IL36B: variants seen among roughly 807,000 people sequenced by gnomAD.
IL36B encodes interleukin 36 beta.
In IL36B, 23 loss-of-function variants were observed where a neutral mutation model predicts 19.3. The ratio of observed to expected loss-of-function variants is 1.19; its 90% CI spans 0.86 to 1.69. The LOEUF (loss-of-function observed/expected upper bound fraction) is 1.69, where lower values mean the gene tolerates loss of function less well. Ranked by LOEUF, IL36B falls within the 40% of genes most tolerant of loss-of-function variation. The pLI is 0.00. For synonymous variants in IL36B, 59 were observed against 59.7 expected (o/e 0.99, Z 0.05); for missense variants, 217 against 200.5 (o/e 1.08, Z -0.50).
chr2:113,026,030 T>C (rs1684952195), intron 5 of IL36B: 2 of 1,562,076 alleles, frequency 1.3e-6, no homozygotes, highest in African/African-American at 2.7e-5. Flanking sequence ...TGGGATCCTC[T>C]GAGGAACCAT....
chr2:113,026,046 A>C lies in IL36B; in HGVS notation c.391+57T>G, dbSNP rs145453972. The C allele has an allele frequency of 7.5e-4, 1,190 of 1,587,176 alleles. 8 individuals carry two copies. In the African/African-American group the frequency reaches 0.014, roughly 19 times the overall value. On this transcript the variant is annotated intron_variant, in intron 5 of 5. Coordinates refer to ENST00000259213, the MANE Select transcript of IL36B (RefSeq NM_014438.5). ...GGGATCCTCTGAGGAACCATGAAGA[A>C]TGAACGCATCTCAGAATTGTCCACC...
At chr2:113,036,350 C>A (rs1685167092) in intron 1 of IL36B, among the ~76,000 whole-genome samples, 1 of 147,844 alleles carries the variant, frequency 6.8e-6, no homozygotes, top group Non-Finnish European at 1.5e-5. Flanking sequence ...CTGAAAACAC[C>A]TTGCTTTTTT....
chr2:113,031,037 T>A lies in IL36B; in HGVS notation c.121+11A>T. ...CCTCAAGAAGCAACAGTGGGTTTGA[T>A]TGTCACTCACCAGGCTTAATGCTGC... On this transcript the variant is annotated intron_variant, in intron 3 of 5. Coordinates refer to ENST00000259213, the MANE Select transcript of IL36B (RefSeq NM_014438.5). 2 of 1,581,378 alleles carry A rather than the reference T, an allele frequency of 1.3e-6. No individual in the cohort carries two copies. The highest frequency in any genetic ancestry group is 2.2e-5 in the South Asian group (2 of 90,370).
In IL36B at chr2:113,035,020, T is replaced by C. The variant is rs187646792; in HGVS notation, c.-57-3254A>G. Among the ~76,000 whole-genome samples, 233 of 152,322 alleles carry C rather than the reference T, an allele frequency of 1.5e-3. 3 individuals are homozygous for C. Among genetic ancestry groups the C allele is most frequent in the Admixed American group, 5.9e-3 (90 of 15,298 alleles). On this transcript the variant is annotated intron_variant, in intron 1 of 5. Coordinates refer to ENST00000259213, the MANE Select transcript of IL36B (RefSeq NM_014438.5). ...GCACCAGCAGAGCCTAAAGAAACTA[T>C]GGGGTCACATTCCTTGGAAGAACTT... is the stretch of plus-strand genomic sequence containing the variant.
intron 1 of IL36B, among the ~76,000 whole-genome samples, chr2:113,033,608 A>G (rs1280387235): frequency 6.6e-6 from 1 of 152,220 alleles, no homozygotes; most frequent in Non-Finnish European, 1.5e-5. Context: ...GAGGGATGAC[A>G]GAATGTACCC....
At chr2:113,039,458 T>G (rs1685209972) in intron 1 of IL36B, among the ~76,000 whole-genome samples, 1 of 152,156 alleles carries the variant, frequency 6.6e-6, no homozygotes, top group Non-Finnish European at 1.5e-5. Context: ...GTTTACAATA[T>G]TACAGTCTTA....
chr2:113,033,434 T>C (rs1283051574), intron 1 of IL36B, among the ~76,000 whole-genome samples: 1 of 152,180 alleles, frequency 6.6e-6, no homozygotes, highest in Admixed American at 6.5e-5. Context: ...AGAAGGGGTT[T>C]CACTGTGTTG....
At chr2:113,028,847 T>C (rs775930152) in intron 4 of IL36B, 92 bp downstream of exon 4, 25 of 1,363,806 alleles carry the variant, frequency 1.8e-5, no homozygotes, top group Non-Finnish European at 2.4e-5. Context: ...TAGTCCAGGG[T>C]TGCAAGCATA....
chr2:113,046,208 CTTTTTTTTTTTTTT>C (rs1179343491), intron 1 of IL36B, among the ~76,000 whole-genome samples: 3 of 11,190 alleles, frequency 2.7e-4, no homozygotes, highest in Non-Finnish European at 4.4e-4. Context: ...CAGGTTTTTT[CTTTTTTTTTTTTTT>C]TTTTTGAGAC....
At chr2:113,023,894 G>T (rs867085316) in intron 5 of IL36B, among the ~76,000 whole-genome samples, 3 of 152,102 alleles carry the variant, frequency 2.0e-5, no homozygotes, top group Non-Finnish European at 2.9e-5. Context: ...CATCAACAAC[G>T]TTAAAATAAA....
At position 113,022,515 on chromosome 2, in the gene IL36B, A is replaced by G. The variant is rs183187687; in HGVS notation, c.*159T>C. 6.6e-5 allele frequency: 38 copies of G among 576,840 alleles called. 1 individual carries two copies. The Admixed American group carries it at 8.0e-4, about 12-fold the overall frequency. The allele number at this position is 576,840 out of a possible 1,614,324, so 35.7% of individuals were successfully genotyped here. On this transcript the variant is annotated 3_prime_UTR_variant, in exon 6 of 6. Coordinates refer to ENST00000259213, the MANE Select transcript of IL36B (RefSeq NM_014438.5). The stretch of plus-strand genomic sequence containing the variant: ...GACCTTCTCTAGCTTTACAGGTAAG[A>G]TTTACCAACTCTTTAAAAATACATA...
chr2:113,040,305 T>C (rs1685232571), intron 1 of IL36B, among the ~76,000 whole-genome samples: 2 of 152,208 alleles, frequency 1.3e-5, no homozygotes, highest in Admixed American at 1.3e-4. Flanking sequence ...AGCTCATACT[T>C]AATGGTGAAA....
rs1235260091 is a variant in IL36B, at chr2:113,022,786, AAGG to A, written c.392-12_392-10del. On this transcript the variant is annotated splice_polypyrimidine_tract_variant and intron_variant, in intron 5 of 5. Coordinates refer to ENST00000259213, the MANE Select transcript of IL36B (RefSeq NM_014438.5). ...CTTCCACTTCTTTCTACCTGCAGGAAAGGAGAAGTATCTCCTAGGCTTAGCAAG... is the reference window on the plus strand; with the variant it reads ...CTTCCACTTCTTTCTACCTGCAGGAAAGAAGTATCTCCTAGGCTTAGCAAG... 4.6e-5 allele frequency: 72 copies of A among 1,567,238 alleles called. No homozygotes were observed. Among genetic ancestry groups the A allele is most frequent in the Non-Finnish European group, 6.2e-5 (71 of 1,137,656 alleles).
chr2:113,037,404 C>T (rs1685183335), intron 1 of IL36B, among the ~76,000 whole-genome samples: 1 of 152,146 alleles, frequency 6.6e-6, no homozygotes, highest in South Asian at 2.1e-4. Flanking sequence ...AATCCCAGAA[C>T]TTTGGGAGGC....
At chr2:113,047,608 A>G (rs1325002125) in intron 1 of IL36B, among the ~76,000 whole-genome samples, 1 of 152,222 alleles carries the variant, frequency 6.6e-6, no homozygotes, top group African/African-American at 2.4e-5. Flanking sequence ...ATCCTTCTGA[A>G]TACTGTAACC....
chr2:113,027,720 G>A (rs915227091), intron 4 of IL36B: 61 of 1,425,966 alleles, frequency 4.3e-5, no homozygotes, highest in Middle Eastern at 1.8e-4. Flanking sequence ...AGTGACATTC[G>A]AGTGAGGGTC....
chr2:113,040,018 T>G (rs529680630), intron 1 of IL36B, among the ~76,000 whole-genome samples: 1 of 152,358 alleles, frequency 6.6e-6, no homozygotes, highest in African/African-American at 2.4e-5. Context: ...TTGCACAGTG[T>G]AGAAAATCCA....
At chr2:113,034,540 G>C (rs1685132744) in intron 1 of IL36B, among the ~76,000 whole-genome samples, 1 of 152,174 alleles carries the variant, frequency 6.6e-6, no homozygotes, top group Non-Finnish European at 1.5e-5. Flanking sequence ...TGGGGCCAGG[G>C]AACCTGTTTT....
chr2:113,026,336 A>C, intron 4 of IL36B: 1 of 1,526,786 alleles, frequency 6.5e-7, no homozygotes, highest in South Asian at 1.2e-5. Context: ...GCCTGCATAC[A>C]GCATGTAAGG....
Sources: gnomAD v4.1 joint callset for allele counts (sites outside exome capture counted in the v4.1 genomes callset) on GRCh38, gnomAD v4.1.1 for gene constraint, MANE v1.5 for transcripts, NCBI Gene and HGNC (gene_info 2026-07-23, HGNC 2026-07-21) for gene names.